The following GRAMD1B variants were observed in gnomAD, a reference collection of about 807,000 sequenced individuals.
The protein encoded by GRAMD1B is GRAM domain containing 1B, also known as protein Aster-B.
GRAMD1B carries 37 observed loss-of-function variants against 99.7 expected under a neutral mutation model. The ratio of observed to expected loss-of-function variants is 0.37; its 90% CI spans 0.29 to 0.49. The LOEUF (loss-of-function observed/expected upper bound fraction) is 0.49. Ranked by LOEUF, GRAMD1B falls within the 20% of genes least tolerant of loss-of-function variation. GRAMD1B has a pLI of 0.98. For missense variants in GRAMD1B, 888 were observed against 1,009.2 expected (o/e 0.88, Z 1.63); for synonymous variants, 427 against 387.6 (o/e 1.10, Z -1.19).
intron 1 of GRAMD1B, among the ~76,000 whole-genome samples, chr11:123,405,373 C>T (rs947334201): frequency 2.0e-5 from 3 of 152,172 alleles, no homozygotes; most frequent in Admixed American, 1.3e-4. Context: ...ATCCTCCCCC[C>T]TCGAAGGCTC....
intron 1 of GRAMD1B, among the ~76,000 whole-genome samples, chr11:123,470,506 CTTTCTT>C (rs1391827049): frequency 4.3e-5 from 5 of 116,486 alleles, no homozygotes; most frequent in East Asian, 2.4e-4. Flanking sequence ...TTCTTTCTTT[CTTTCTT>C]TTTTTTTTTT....
intron 1 of GRAMD1B, among the ~76,000 whole-genome samples, chr11:123,392,564 A>G (rs1250547561): frequency 6.6e-6 from 1 of 151,904 alleles, no homozygotes; most frequent in Non-Finnish European, 1.5e-5. Flanking sequence ...CTCATATTAT[A>G]CAGTATGCAT....
At chr11:123,520,662 C>G (rs11219184) in intron 2 of GRAMD1B, among the ~76,000 whole-genome samples, 13,185 of 149,960 alleles carry the variant, frequency 0.088, 725 homozygotes, top group South Asian at 0.13. Flanking sequence ...GTCTGCAATC[C>G]CAGCTATTCA....
At chr11:123,586,341 T>G (rs1950072708) in intron 4 of GRAMD1B, among the ~76,000 whole-genome samples, 3 of 152,210 alleles carry the variant, frequency 2.0e-5, no homozygotes, top group Admixed American at 1.3e-4. Flanking sequence ...TTTCCCAGCC[T>G]TGTCCTGCCT....
intron 1 of GRAMD1B, among the ~76,000 whole-genome samples, chr11:123,417,756 G>A (rs979529850): frequency 6.6e-6 from 1 of 152,140 alleles, no homozygotes; most frequent in African/African-American, 2.4e-5. Context: ...GGACAACATG[G>A]AGAAACCCTG....
At chr11:123,490,867 G>A (rs1354664491) in intron 2 of GRAMD1B, among the ~76,000 whole-genome samples, 2 of 152,152 alleles carry the variant, frequency 1.3e-5, no homozygotes, top group African/African-American at 4.8e-5. Flanking sequence ...GAGTTCCTAG[G>A]TGCTATGGTA....
At chr11:123,489,317 A>G (rs748364599) in intron 2 of GRAMD1B, among the ~76,000 whole-genome samples, 3 of 152,126 alleles carry the variant, frequency 2.0e-5, no homozygotes, top group Non-Finnish European at 2.9e-5. Context: ...GGATAGAAAC[A>G]CTAGGCCATT....
intron 4 of GRAMD1B, among the ~76,000 whole-genome samples, chr11:123,593,756 C>T (rs1311127489): frequency 6.6e-6 from 1 of 152,162 alleles, no homozygotes; most frequent in African/African-American, 2.4e-5. Context: ...ACAGCAGTAG[C>T]TGGCATGGTG....
Position 123,478,764 on chromosome 11 carries a change from C to T in GRAMD1B, c.375-2052C>T, listed in dbSNP as rs1951433016. On this transcript the variant is annotated intron_variant, in intron 1 of 19. Coordinates refer to ENST00000635736, the MANE Select transcript of GRAMD1B (RefSeq NM_001387025.1). ...TCAGCGGGGTCAAGTTTGACCCCTG[C>T]TTTGAAGAGGCTGCAATGCTGATTG... Among the ~76,000 whole-genome samples the T allele has an allele frequency of 2.0e-5, 3 of 152,120 alleles. 1 individual carries two copies. The South Asian group carries it at 6.2e-4, about 32-fold the overall frequency.
intron 1 of GRAMD1B, among the ~76,000 whole-genome samples, chr11:123,433,462 TG>T (rs1199108248): frequency 6.6e-6 from 1 of 152,176 alleles, no homozygotes; most frequent in Admixed American, 6.5e-5. Context: ...GACCTTCTTT[TG>T]ATCTTGAGAT....
chr11:123,368,324 A>G (rs1309712274), intron 1 of GRAMD1B, among the ~76,000 whole-genome samples: 1 of 151,170 alleles, frequency 6.6e-6, no homozygotes, highest in Non-Finnish European at 1.5e-5. Flanking sequence ...TTCTAGCTTG[A>G]TGTTATCTGA....
At chr11:123,546,713 G>A (rs558703308) in intron 2 of GRAMD1B, among the ~76,000 whole-genome samples, 2 of 152,194 alleles carry the variant, frequency 1.3e-5, no homozygotes, top group African/African-American at 2.4e-5. Flanking sequence ...TGAGTCAAAT[G>A]TTAGATTATT....
intron 2 of GRAMD1B, among the ~76,000 whole-genome samples, chr11:123,540,680 G>A (rs1200503397): frequency 6.6e-6 from 1 of 151,694 alleles, no homozygotes; most frequent in African/African-American, 2.4e-5. Flanking sequence ...AAACGAAATT[G>A]GTCATAATAC....
chr11:123,439,986 T>C (rs1322506563), intron 1 of GRAMD1B, among the ~76,000 whole-genome samples: 3 of 152,126 alleles, frequency 2.0e-5, no homozygotes, highest in Admixed American at 2.0e-4. Context: ...TTTGCAGCCA[T>C]AGAAAAATAA....
chr11:123,548,325 T>TATATACACACACACACACACACAC (rs1555067740), intron 2 of GRAMD1B, among the ~76,000 whole-genome samples: 1 of 86,842 alleles, frequency 1.2e-5, no homozygotes, highest in Non-Finnish European at 2.1e-5. Context: ...TATATATATA[T>TATATACACACACACACACACACAC]ACACACACAC....
intron 1 of GRAMD1B, among the ~76,000 whole-genome samples, chr11:123,378,913 A>G (rs1821548515): frequency 6.6e-6 from 1 of 152,228 alleles, no homozygotes; most frequent in African/African-American, 2.4e-5. Context: ...CAGGTGTGAC[A>G]GGCCACCTGT....
At chr11:123,480,683 G>T (rs1951547709) in intron 1 of GRAMD1B, 133 bp from the exon 2 acceptor site, 2 of 394,204 alleles carry the variant, frequency 5.1e-6, no homozygotes, top group South Asian at 1.4e-4. Context: ...CTCTATGCTA[G>T]ACTTACTTGG....
chr11:123,614,786 G>T lies in GRAMD1B; in HGVS notation c.2269G>T (p.Gly757Cys), dbSNP rs534553453. ...GCATATCCCGGAGGACACCCCCAACGGTTTCCACCTGCAGAGCGTGTCCAA... is the reference window on the plus strand; with the variant it reads ...GCATATCCCGGAGGACACCCCCAACTGTTTCCACCTGCAGAGCGTGTCCAA... ...TRHIPEDTPN[G>C]FHLQSVSKLL... The change falls in exon 17 of 20, where the codon GGT (glycine) becomes TGT (cysteine). Residue 757 changes from glycine (G) to cysteine (C), a missense_variant. Transcript: ENST00000635736. The T allele has an allele frequency of 6.2e-7, 1 of 1,612,948 alleles. No homozygotes were observed.
intron 1 of GRAMD1B, chr11:123,458,817 G>A (rs534622705): frequency 1.9e-4 from 29 of 152,122 alleles, no homozygotes; most frequent in African/African-American, 6.5e-4. Flanking sequence ...GTGTGTATAC[G>A]GGTGGGTTAT....
Sources: allele counts gnomAD v4.1 joint callset (sites outside exome capture counted in the v4.1 genomes callset), GRCh38; gene constraint gnomAD v4.1.1; transcripts MANE v1.5; gene names NCBI Gene and HGNC (gene_info 2026-07-23, HGNC 2026-07-21).